The following MEI4 variants were observed in gnomAD, a reference collection of about 807,000 sequenced individuals.
MEI4 encodes meiosis-specific protein MEI4.
Under a neutral mutation model 31.4 loss-of-function variants are expected in MEI4, and 27 were observed. The observed-to-expected ratio is 0.86, with a 90% confidence interval of 0.63 to 1.19. The LOEUF (loss-of-function observed/expected upper bound fraction) is 1.19, where lower values mean the gene tolerates loss of function less well. Ranked by LOEUF, MEI4 falls within the 50% of genes most tolerant of loss-of-function variation. MEI4 has a pLI of 0.00. For missense variants in MEI4, 329 were observed against 398.9 expected (o/e 0.82, Z 1.49); for synonymous variants, 122 against 145.4 (o/e 0.84, Z 1.16).
At chr6:77,778,872 G>A (rs1050588434) in intron 3 of MEI4, among the ~76,000 whole-genome samples, 21 of 152,138 alleles carry the variant, frequency 1.4e-4, no homozygotes, top group Admixed American at 1.2e-3. Flanking sequence ...AGAGATATAA[G>A]AAGGCCTGGA....
chr6:77,881,127 A>T (rs891093686), intron 4 of MEI4, among the ~76,000 whole-genome samples: 1 of 150,592 alleles, frequency 6.6e-6, no homozygotes, highest in African/African-American at 2.4e-5. Context: ...TTTTTAAATC[A>T]CTTTAGTCTC....
At chr6:77,727,558 G>A (rs972560230) in intron 2 of MEI4, among the ~76,000 whole-genome samples, 7 of 152,274 alleles carry the variant, frequency 4.6e-5, no homozygotes, top group South Asian at 4.1e-4. Flanking sequence ...AGTAATCACT[G>A]TGATTTTCTG....
intron 2 of MEI4, among the ~76,000 whole-genome samples, chr6:77,734,232 A>C (rs987136706): frequency 6.6e-6 from 1 of 151,986 alleles, no homozygotes; most frequent in East Asian, 1.9e-4. Context: ...TGCGGTGTTA[A>C]CATCTCCCAT....
chr6:77,669,733 T>C (rs1422945119), intron 1 of MEI4, among the ~76,000 whole-genome samples: 1 of 152,216 alleles, frequency 6.6e-6, no homozygotes, highest in Non-Finnish European at 1.5e-5. Context: ...GTACCAGGCA[T>C]TGTGTTAAAT....
chr6:77,736,168 C>G (rs75209311), intron 2 of MEI4, among the ~76,000 whole-genome samples: 10 of 152,194 alleles, frequency 6.6e-5, no homozygotes, highest in African/African-American at 2.2e-4. Context: ...CCACCGGGTT[C>G]GAGCTTCCAG....
chr6:77,800,663 C>A (rs190049655), intron 3 of MEI4, among the ~76,000 whole-genome samples: 1 of 152,116 alleles, frequency 6.6e-6, no homozygotes, highest in Non-Finnish European at 1.5e-5. Flanking sequence ...TGAGGTACGT[C>A]CCATGAATAC....
At chr6:77,780,265 G>A (rs1005525839) in intron 3 of MEI4, among the ~76,000 whole-genome samples, 1 of 152,188 alleles carries the variant, frequency 6.6e-6, no homozygotes, top group African/African-American at 2.4e-5. Flanking sequence ...ATATAAGGGA[G>A]TTTATCTAAA....
At chr6:77,840,802 A>G (rs565668381) in intron 4 of MEI4, among the ~76,000 whole-genome samples, 1 of 152,150 alleles carries the variant, frequency 6.6e-6, no homozygotes. Context: ...ATTCAGGGGA[A>G]CAACATTTCA....
chr6:77,677,611 A>C (rs1768868891), intron 1 of MEI4, among the ~76,000 whole-genome samples: 1 of 152,160 alleles, frequency 6.6e-6, no homozygotes, highest in Non-Finnish European at 1.5e-5. Context: ...TTATGGCAGT[A>C]TTCTGTTAAA....
At chr6:77,767,567 C>A (rs570523603) in intron 3 of MEI4, among the ~76,000 whole-genome samples, 1 of 151,606 alleles carries the variant, frequency 6.6e-6, no homozygotes, top group Non-Finnish European at 1.5e-5. Context: ...CATGGTCTTG[C>A]ACACCTGTAG....
chr6:77,799,549 T>C lies in MEI4; in HGVS notation c.769-29382T>C, dbSNP rs544419784. Among the ~76,000 whole-genome samples, 14 of 152,316 alleles carry C rather than the reference T, an allele frequency of 9.2e-5. No individual in the cohort carries two copies. In the South Asian group the frequency reaches 2.9e-3, roughly 32 times the overall value. On this transcript the variant is annotated intron_variant, in intron 3 of 4. Transcript: ENST00000684080. ...TTTGTTGCCATTGCTTTTGGTGTTTTAGACATGAAGTCATTGCCCATGCCT... is the reference window on the plus strand; with the variant it reads ...TTTGTTGCCATTGCTTTTGGTGTTTCAGACATGAAGTCATTGCCCATGCCT...
intron 1 of MEI4, among the ~76,000 whole-genome samples, chr6:77,663,939 A>G: frequency 6.6e-6 from 1 of 152,060 alleles, no homozygotes; most frequent in South Asian, 2.1e-4. Context: ...GTGGGGTCCC[A>G]CACAGATGGG....
chr6:77,875,260 T>G (rs1264021879), intron 4 of MEI4, among the ~76,000 whole-genome samples: 5 of 152,240 alleles, frequency 3.3e-5, no homozygotes, highest in Non-Finnish European at 7.3e-5. Context: ...GTTTATCTAT[T>G]TATTTCCTAT....
chr6:77,893,719 TC>T (rs1766019418), intron 4 of MEI4, among the ~76,000 whole-genome samples: 1 of 152,216 alleles, frequency 6.6e-6, no homozygotes, highest in African/African-American at 2.4e-5. Context: ...ACATTTGTCA[TC>T]AGGTAAGAAC....
intron 3 of MEI4, among the ~76,000 whole-genome samples, chr6:77,772,256 CAAAA>C (rs58119358): frequency 7.1e-6 from 1 of 140,352 alleles, no homozygotes; most frequent in Non-Finnish European, 1.6e-5. Context: ...AAAGACACAT[CAAAA>C]AAAAAAAAAA....
chr6:77,654,304 A>G (rs930163357), intron 1 of MEI4, among the ~76,000 whole-genome samples: 2 of 152,178 alleles, frequency 1.3e-5, no homozygotes, highest in Non-Finnish European at 2.9e-5. Flanking sequence ...TGTCTACCAC[A>G]GTGCCTGACA....
chr6:77,669,445 A>C (rs562817020), intron 1 of MEI4, among the ~76,000 whole-genome samples: 8 of 152,354 alleles, frequency 5.3e-5, no homozygotes, highest in Non-Finnish European at 1.0e-4. Context: ...AATAATGCAG[A>C]TAATAAACAG....
chr6:77,762,394 T>C (rs899793843), intron 3 of MEI4, among the ~76,000 whole-genome samples: 2 of 152,174 alleles, frequency 1.3e-5, no homozygotes, highest in Admixed American at 6.6e-5. Context: ...GAATTTCTTT[T>C]TCATATTATT....
chr6:77,650,293 T>TG (rs1211609693), upstream of MEI4, among the ~76,000 whole-genome samples: 1 of 152,200 alleles, frequency 6.6e-6, no homozygotes, highest in Non-Finnish European at 1.5e-5. Context: ...TTCTCTGGAC[T>TG]GGTTGTGGAG....
Sources: gnomAD v4.1 joint callset for allele counts (sites outside exome capture counted in the v4.1 genomes callset) on GRCh38, gnomAD v4.1.1 for gene constraint, MANE v1.5 for transcripts, NCBI Gene and HGNC (gene_info 2026-07-23, HGNC 2026-07-21) for gene names.